PCDH15: variants seen among roughly 807,000 people sequenced by gnomAD.
The protein encoded by PCDH15 is protocadherin related 15.
In PCDH15, 129 loss-of-function variants were observed where a neutral mutation model predicts 178.5. The ratio of observed to expected loss-of-function variants is 0.72; its 90% CI spans 0.63 to 0.84. PCDH15 has a LOEUF of 0.84. Ranked by LOEUF, PCDH15 falls within the 40% of genes least tolerant of loss-of-function variation. The pLI, the probability that PCDH15 is intolerant of heterozygous loss-of-function variation, is 0.00. For synonymous variants in PCDH15, 800 were observed against 732.0 expected (o/e 1.09, Z -1.50); for missense variants, 2,230 against 2,099.9 (o/e 1.06, Z -1.21).
At chr10:54,431,042 G>T (rs1391967607) in intron 3 of PCDH15, among the ~76,000 whole-genome samples, 1 of 151,922 alleles carries the variant, frequency 6.6e-6, no homozygotes, top group East Asian at 1.9e-4. Context: ...ACACATACAA[G>T]CTACCAGAAT....
At chr10:54,180,150 G>T (rs2047850746) in intron 13 of PCDH15, among the ~76,000 whole-genome samples, 2 of 152,192 alleles carry the variant, frequency 1.3e-5, no homozygotes, top group South Asian at 4.1e-4. Context: ...GGTTACGGAA[G>T]ATGATGTTGG....
intron 3 of PCDH15, among the ~76,000 whole-genome samples, chr10:54,479,091 T>C (rs1281338797): frequency 6.6e-6 from 1 of 151,760 alleles, no homozygotes; most frequent in East Asian, 1.9e-4. Flanking sequence ...AATATGGTAA[T>C]ACGTTTTGAA....
intron 1 of PCDH15, among the ~76,000 whole-genome samples, chr10:55,235,355 G>A (rs940798593): frequency 2.6e-5 from 4 of 151,604 alleles, no homozygotes; most frequent in Non-Finnish European, 5.9e-5. Context: ...CCTTTGATTC[G>A]TCAACCCTAA....
Position 55,463,624 on chromosome 10 carries a change from C to T in PCDH15, c.-156+164001G>A, listed in dbSNP as rs572447802. On this transcript the variant is annotated intron_variant, in intron 2 of 5. Transcript: ENST00000613346. ...CAGTGAGCCATGATCACGCCACTGC[C>T]CAATGTATGTGACACTGAAGGATAA... Among the ~76,000 whole-genome samples the T allele has an allele frequency of 2.4e-3, 369 of 151,826 alleles. 5 individuals carry two copies. Among genetic ancestry groups the T allele is most frequent in the Non-Finnish European group, 3.8e-3 (260 of 67,936 alleles).
chr10:54,518,433 C>G (rs1244849234), intron 3 of PCDH15, among the ~76,000 whole-genome samples: 3 of 152,144 alleles, frequency 2.0e-5, no homozygotes, highest in Non-Finnish European at 4.4e-5. Context: ...CTACAAACAC[C>G]TCTACGCAAA....
intron 2 of PCDH15, among the ~76,000 whole-genome samples, chr10:55,449,813 T>C (rs1461952662): frequency 2.6e-5 from 4 of 152,086 alleles, no homozygotes; most frequent in Non-Finnish European, 5.9e-5. Flanking sequence ...GATTCTGTTT[T>C]TTTCACTAAT....
intron 9 of PCDH15, among the ~76,000 whole-genome samples, chr10:54,231,068 A>T (rs188462845): frequency 1.9e-4 from 29 of 152,338 alleles, no homozygotes; most frequent in African/African-American, 6.5e-4. Flanking sequence ...TTTCAGCTAC[A>T]TATATGATTA....
At chr10:53,950,873 G>T (rs541753991) in intron 23 of PCDH15, among the ~76,000 whole-genome samples, 3 of 152,264 alleles carry the variant, frequency 2.0e-5, no homozygotes, top group African/African-American at 7.2e-5. Context: ...AGAGATAATT[G>T]ACCGAAAATC....
chr10:54,512,411 G>C (rs2081787155), intron 3 of PCDH15, among the ~76,000 whole-genome samples: 1 of 147,664 alleles, frequency 6.8e-6, no homozygotes, highest in Non-Finnish European at 1.5e-5. Flanking sequence ...GTATTATTGG[G>C]GGATGATGCG....
At chr10:54,647,570 G>T (rs2094157563) in intron 2 of PCDH15, among the ~76,000 whole-genome samples, 1 of 152,058 alleles carries the variant, frequency 6.6e-6, no homozygotes, top group South Asian at 2.1e-4. Flanking sequence ...TGAGCCAGGT[G>T]CCTGAGCCAT....
At chr10:54,834,783 T>C (rs899427950) in intron 3 of PCDH15, among the ~76,000 whole-genome samples, 2 of 152,218 alleles carry the variant, frequency 1.3e-5, no homozygotes, top group African/African-American at 4.8e-5. Flanking sequence ...ATGTTACTTT[T>C]GCACTTGTCC....
At chr10:54,529,400 C>T (rs764842647) in intron 2 of PCDH15, among the ~76,000 whole-genome samples, 3 of 152,056 alleles carry the variant, frequency 2.0e-5, no homozygotes, top group Non-Finnish European at 4.4e-5. Context: ...TCTCATCCTG[C>T]ATTCATCTAT....
At chr10:54,236,472 G>GT (rs1470772443) in intron 9 of PCDH15, among the ~76,000 whole-genome samples, 1 of 151,806 alleles carries the variant, frequency 6.6e-6, no homozygotes, top group African/African-American at 2.4e-5. Context: ...GGTAAAACAC[G>GT]TGTAAAATGT....
chr10:54,029,971 C>T (rs752614310), intron 18 of PCDH15, among the ~76,000 whole-genome samples: 1 of 152,118 alleles, frequency 6.6e-6, no homozygotes, highest in African/African-American at 2.4e-5. Context: ...TGAGAAGTCC[C>T]TGGGTAGGTT....
intron 3 of PCDH15, among the ~76,000 whole-genome samples, chr10:54,526,198 A>G (rs923783827): frequency 3.9e-5 from 6 of 152,232 alleles, no homozygotes; most frequent in Admixed American, 3.3e-4. Flanking sequence ...AAAGGAAATA[A>G]ACTATCATCA....
intron 2 of PCDH15, among the ~76,000 whole-genome samples, chr10:55,066,506 G>C (rs1023100228): frequency 6.7e-6 from 1 of 148,250 alleles, no homozygotes; most frequent in Non-Finnish European, 1.5e-5. Flanking sequence ...ATTTTTTTAA[G>C]TTTTCACAAA....
At chr10:55,330,221 T>C (rs1310465182) in intron 2 of PCDH15, among the ~76,000 whole-genome samples, 1 of 151,830 alleles carries the variant, frequency 6.6e-6, no homozygotes, top group Admixed American at 6.6e-5. Flanking sequence ...ATACATGATG[T>C]TTGCATTCAA....
At position 55,201,171 on chromosome 10, in the gene PCDH15, C is replaced by T. The variant is rs114010615; in HGVS notation, c.-155-34520G>A. Among the ~76,000 whole-genome samples, 1,011 of 152,140 alleles carry T rather than the reference C, an allele frequency of 6.6e-3. 18 individuals carry two copies. Among genetic ancestry groups the T allele is most frequent in the African/African-American group, 0.024 (979 of 41,454 alleles). On this transcript the variant is annotated intron_variant, in intron 1 of 5. Transcript: ENST00000458638. ...TTACTCTTTCTGCTAAGCAGCTACA[C>T]TGATAGAATATAAGGCTGGAAATAT...
At chr10:54,623,875 G>C (rs1352373686) in intron 2 of PCDH15, among the ~76,000 whole-genome samples, 1 of 151,988 alleles carries the variant, frequency 6.6e-6, no homozygotes, top group Non-Finnish European at 1.5e-5. Flanking sequence ...TTTGATCTGT[G>C]TTGTCATGAA....
Sources: allele counts gnomAD v4.1 joint callset (sites outside exome capture counted in the v4.1 genomes callset), GRCh38; gene constraint gnomAD v4.1.1; transcripts MANE v1.5; gene names NCBI Gene and HGNC (gene_info 2026-07-23, HGNC 2026-07-21).